NRG3: variants seen among roughly 807,000 people sequenced by gnomAD.
NRG3 encodes pro-neuregulin-3, membrane-bound isoform.
A neutral mutation model predicts 66.9 loss-of-function variants in NRG3; 31 were observed. The ratio of observed to expected loss-of-function variants is 0.46; its 90% CI spans 0.35 to 0.63. The LOEUF is 0.63. Among genes scored for constraint, NRG3 ranks in the 20% least tolerant of loss-of-function variants. NRG3 has a pLI of 0.00. For synonymous variants in NRG3, 393 were observed against 359.4 expected (o/e 1.09, Z -1.06); for missense variants, 910 against 878.9 (o/e 1.04, Z -0.45).
At chr10:82,967,490 G>C (rs975794879) in intron 6 of NRG3, among the ~76,000 whole-genome samples, 1 of 152,072 alleles carries the variant, frequency 6.6e-6, no homozygotes, top group African/African-American at 2.4e-5. Flanking sequence ...TTCTCACAAT[G>C]GTTATACCAT....
At chr10:82,477,593 A>G (rs7073972) in intron 2 of NRG3, among the ~76,000 whole-genome samples, 103,091 of 152,088 alleles carry the variant, frequency 0.68, 36,111 homozygotes, top group South Asian at 0.79. Flanking sequence ...TCACATTTTA[A>G]AGGGCTGACC....
intron 2 of NRG3, among the ~76,000 whole-genome samples, chr10:82,581,790 C>G (rs2046370202): frequency 6.6e-6 from 1 of 151,930 alleles, no homozygotes; most frequent in Admixed American, 6.6e-5. Context: ...AACTTCTTCC[C>G]AAACCCAAGG....
intron 1 of NRG3, among the ~76,000 whole-genome samples, chr10:81,989,472 A>T (rs1164874639): frequency 6.6e-6 from 1 of 152,202 alleles, no homozygotes. Context: ...AGTGACTGTG[A>T]TGCAGAGATA....
At chr10:82,719,223 A>G (rs1041316790) in intron 2 of NRG3, among the ~76,000 whole-genome samples, 2 of 152,170 alleles carry the variant, frequency 1.3e-5, no homozygotes, top group African/African-American at 4.8e-5. Flanking sequence ...TGGAAGTAAT[A>G]GTGTAGATTC....
chr10:81,923,227 A>G (rs967000391), intron 1 of NRG3, among the ~76,000 whole-genome samples: 119 of 150,094 alleles, frequency 7.9e-4, no homozygotes, highest in African/African-American at 2.7e-3. Flanking sequence ...ACCTGTGGGC[A>G]ACTGCTTTAC....
At chr10:82,297,078 C>G (rs919060040) in intron 1 of NRG3, among the ~76,000 whole-genome samples, 3 of 152,106 alleles carry the variant, frequency 2.0e-5, no homozygotes, top group African/African-American at 7.2e-5. Flanking sequence ...GGACACTGGC[C>G]TCCTGCTGCA....
chr10:82,427,522 T>A (rs868409607), intron 2 of NRG3, among the ~76,000 whole-genome samples: 11 of 152,198 alleles, frequency 7.2e-5, no homozygotes. Flanking sequence ...CATAAATTTA[T>A]ACAATAAGTA....
intron 1 of NRG3, among the ~76,000 whole-genome samples, chr10:81,981,790 C>T (rs2060341965): frequency 6.6e-6 from 1 of 152,154 alleles, no homozygotes; most frequent in South Asian, 2.1e-4. Context: ...ATTGAATTCT[C>T]CCATCCTGTA....
chr10:82,920,173 G>T, intron 4 of NRG3, among the ~76,000 whole-genome samples: 1 of 152,246 alleles, frequency 6.6e-6, no homozygotes, highest in East Asian at 1.9e-4. Flanking sequence ...GGAACTGTAC[G>T]TAAGTACTGT....
intron 2 of NRG3, among the ~76,000 whole-genome samples, chr10:82,608,514 T>C (rs759683352): frequency 5.9e-5 from 9 of 152,164 alleles, no homozygotes; most frequent in Non-Finnish European, 8.8e-5. Context: ...ATTTCCTTGG[T>C]TTTGCCTCTC....
At chr10:82,533,892 T>G (rs964327091) in intron 2 of NRG3, among the ~76,000 whole-genome samples, 14 of 152,220 alleles carry the variant, frequency 9.2e-5, no homozygotes, top group African/African-American at 3.1e-4. Context: ...ATGTTAGAAC[T>G]AATAAATGAA....
At chr10:82,037,524 T>C (rs2062840716) in intron 1 of NRG3, among the ~76,000 whole-genome samples, 1 of 152,166 alleles carries the variant, frequency 6.6e-6, no homozygotes. Context: ...TTTCCCTTCT[T>C]TGTTCACATT....
chr10:82,391,700 G>A (rs1321162173), intron 2 of NRG3, among the ~76,000 whole-genome samples: 1 of 152,058 alleles, frequency 6.6e-6, no homozygotes, highest in Non-Finnish European at 1.5e-5. Flanking sequence ...GAAAAAATGA[G>A]TCCACTCACC....
intron 1 of NRG3, among the ~76,000 whole-genome samples, chr10:82,312,102 G>C (rs560748576): frequency 1.1e-3 from 160 of 152,276 alleles, no homozygotes; most frequent in African/African-American, 3.6e-3. Context: ...CTAAATATTG[G>C]TTGTCTTTTA....
At chr10:82,858,393 G>C (rs773984686) in intron 3 of NRG3, among the ~76,000 whole-genome samples, 2 of 151,800 alleles carry the variant, frequency 1.3e-5, no homozygotes, top group African/African-American at 2.4e-5. Context: ...TCTCAACACA[G>C]GACATCTCAG....
At chr10:82,517,634 C>CG (rs954666321) in intron 2 of NRG3, among the ~76,000 whole-genome samples, 1 of 139,354 alleles carries the variant, frequency 7.2e-6, no homozygotes, top group African/African-American at 2.8e-5. Context: ...ACCCCGCCCC[C>CG]CCGTGTGTGT....
At chr10:82,750,009 A>G (rs149966453) in intron 3 of NRG3, among the ~76,000 whole-genome samples, 3 of 152,338 alleles carry the variant, frequency 2.0e-5, no homozygotes, top group Admixed American at 6.5e-5. Flanking sequence ...CACTAGACAG[A>G]CACAACCACT....
intron 1 of NRG3, among the ~76,000 whole-genome samples, chr10:82,198,521 C>G (rs1279671639): frequency 2.6e-5 from 4 of 152,094 alleles, no homozygotes. Context: ...GATTTAAAAA[C>G]CTTCAACTTC....
intron 1 of NRG3, among the ~76,000 whole-genome samples, chr10:82,321,229 C>G (rs2081553423): frequency 6.6e-6 from 1 of 151,440 alleles, no homozygotes; most frequent in Non-Finnish European, 1.5e-5. Flanking sequence ...TGCTCCCCCT[C>G]CAGTAAAGGG....
Sources: gnomAD v4.1 joint callset for allele counts (sites outside exome capture counted in the v4.1 genomes callset) on GRCh38, gnomAD v4.1.1 for gene constraint, MANE v1.5 for transcripts, NCBI Gene and HGNC (gene_info 2026-07-23, HGNC 2026-07-21) for gene names.